CNTNAP2: variants seen among roughly 807,000 people sequenced by gnomAD.
CNTNAP2 encodes the protein contactin associated protein 2, also known as contactin-associated protein-like 2.
Under a neutral mutation model 155.2 loss-of-function variants are expected in CNTNAP2, and 98 were observed. The ratio of observed to expected loss-of-function variants is 0.63; its 90% CI spans 0.54 to 0.75. The LOEUF (loss-of-function observed/expected upper bound fraction) is 0.75. Ranked by LOEUF, CNTNAP2 falls within the 30% of genes least tolerant of loss-of-function variation. The pLI, the probability that CNTNAP2 is intolerant of heterozygous loss-of-function variation, is 0.00. For missense variants in CNTNAP2, 1,727 were observed against 1,688.1 expected, an observed-to-expected ratio of 1.02 and a Z score of -0.40; for synonymous variants, 651 against 631.2, an observed-to-expected ratio of 1.03 and a Z score of -0.47.
intron 1 of CNTNAP2, among the ~76,000 whole-genome samples, chr7:146,520,491 G>A (rs913315747): frequency 8.6e-5 from 13 of 151,388 alleles, no homozygotes; most frequent in African/African-American, 3.1e-4. Context: ...CTAAGTGGTT[G>A]GTGAAACTGT....
At chr7:146,728,909 T>C (rs1339944970) in intron 1 of CNTNAP2, among the ~76,000 whole-genome samples, 2 of 152,166 alleles carry the variant, frequency 1.3e-5, no homozygotes, top group Admixed American at 6.5e-5. Context: ...GAAATATATT[T>C]AGCATAGATC....
intron 21 of CNTNAP2, among the ~76,000 whole-genome samples, chr7:148,299,668 T>C (rs1797347887): frequency 6.6e-6 from 1 of 152,228 alleles, no homozygotes; most frequent in Non-Finnish European, 1.5e-5. Context: ...CTCAGCCTTA[T>C]TTTCCCAACC....
chr7:148,333,151 G>A (rs2116566275), intron 21 of CNTNAP2, among the ~76,000 whole-genome samples: 1 of 152,238 alleles, frequency 6.6e-6, no homozygotes, highest in East Asian at 1.9e-4. Flanking sequence ...TTTCAGGCTG[G>A]AAACGGTGGC....
At chr7:146,218,464 G>A (rs186558662) in intron 1 of CNTNAP2, among the ~76,000 whole-genome samples, 23 of 152,068 alleles carry the variant, frequency 1.5e-4, no homozygotes, top group African/African-American at 4.1e-4. Context: ...AGCTGAGATC[G>A]CGCCACTGCA....
At chr7:146,377,248 C>A (rs1362815984) in intron 1 of CNTNAP2, among the ~76,000 whole-genome samples, 1 of 152,114 alleles carries the variant, frequency 6.6e-6, no homozygotes, top group Non-Finnish European at 1.5e-5. Context: ...TTGAATTATA[C>A]AATACTGTGG....
chr7:146,946,042 A>G (rs1797163446), intron 3 of CNTNAP2, among the ~76,000 whole-genome samples: 1 of 151,960 alleles, frequency 6.6e-6, no homozygotes, highest in African/African-American at 2.4e-5. Context: ...AAGTTTAAAA[A>G]GATACTGAAA....
chr7:146,497,906 CAT>C (rs148428652), intron 1 of CNTNAP2, among the ~76,000 whole-genome samples: 3 of 148,182 alleles, frequency 2.0e-5, no homozygotes, highest in East Asian at 2.0e-4. Context: ...TTTATTCAAA[CAT>C]ATATAAACAT....
At chr7:146,229,503 T>G (rs1014971004) in intron 1 of CNTNAP2, among the ~76,000 whole-genome samples, 2 of 152,160 alleles carry the variant, frequency 1.3e-5, no homozygotes, top group East Asian at 3.9e-4. Context: ...TAGAGAGACC[T>G]TGAGAAGCAG....
intron 3 of CNTNAP2, among the ~76,000 whole-genome samples, chr7:146,912,430 A>G (rs1796302695): frequency 6.6e-6 from 1 of 152,066 alleles, no homozygotes; most frequent in Admixed American, 6.6e-5. Context: ...CCATAATAAG[A>G]AAAAAGATAA....
chr7:146,268,937 A>G (rs896670597), intron 1 of CNTNAP2, among the ~76,000 whole-genome samples: 4 of 152,192 alleles, frequency 2.6e-5, no homozygotes, highest in Non-Finnish European at 5.9e-5. Flanking sequence ...CTACAAGGCA[A>G]TGGGAGTGAA....
intron 9 of CNTNAP2, among the ~76,000 whole-genome samples, chr7:147,317,900 T>C (rs576419333): frequency 1.3e-5 from 2 of 152,106 alleles, no homozygotes; most frequent in South Asian, 4.1e-4. Context: ...AACTTTCTGC[T>C]TTCTACGGTT....
chr7:147,795,917 C>G (rs1797885987), intron 13 of CNTNAP2, among the ~76,000 whole-genome samples: 1 of 152,046 alleles, frequency 6.6e-6, no homozygotes, highest in Non-Finnish European at 1.5e-5. Flanking sequence ...GCACATAAGC[C>G]AGGCAGAGTT....
rs1949898 is a variant in CNTNAP2 at position 146,464,645 on chromosome 7, G to A, written c.98-309626G>A. 4.1e-3 allele frequency among the ~76,000 whole-genome samples: 630 copies of A among 151,808 alleles called. 5 individuals carry two copies. Among genetic ancestry groups the A allele is most frequent in the African/African-American group, 0.014 (585 of 41,370 alleles). ...CACAGCTAATATTTTCACTATTTGC[G>A]AACTTATCATCATTTTTAATACTGA... On this transcript the variant is annotated intron_variant, in intron 1 of 23. Transcript: ENST00000361727.
chr7:146,466,373 T>A (rs1378949098), intron 1 of CNTNAP2, among the ~76,000 whole-genome samples: 1 of 152,168 alleles, frequency 6.6e-6, no homozygotes. Context: ...GAACTTCATC[T>A]TTCCTATACA....
intron 15 of CNTNAP2, among the ~76,000 whole-genome samples, chr7:148,082,370 A>G (rs996725118): frequency 6.6e-6 from 1 of 152,246 alleles, no homozygotes; most frequent in Non-Finnish European, 1.5e-5. Context: ...GGAAAATCCA[A>G]GCTAGTGAGG....
At position 148,185,585 on chromosome 7, in the gene CNTNAP2, G is replaced by A. The variant is rs145848039; in HGVS notation, c.3010+13107G>A. On this transcript the variant is annotated intron_variant, in intron 18 of 23. Coordinates refer to ENST00000361727, the MANE Select transcript of CNTNAP2 (RefSeq NM_014141.6). ...GATGAATGAGTCCAGATTTTTCTCAGGTCTAAGCCAAATGTAACCCAAATA... is the reference window on the plus strand; with the variant it reads ...GATGAATGAGTCCAGATTTTTCTCAAGTCTAAGCCAAATGTAACCCAAATA... 4.7e-3 allele frequency among the ~76,000 whole-genome samples: 717 copies of A among 152,256 alleles called. 2 individuals carry two copies. Among genetic ancestry groups the A allele is most frequent in the African/African-American group, 0.016 (681 of 41,554 alleles).
chr7:147,248,417 T>C (rs997221791), intron 8 of CNTNAP2, among the ~76,000 whole-genome samples: 1 of 152,140 alleles, frequency 6.6e-6, no homozygotes, highest in Non-Finnish European at 1.5e-5. Context: ...GCAGTCTTGG[T>C]TGAGTGCAAG....
At chr7:147,794,365 G>A (rs1285190380) in intron 13 of CNTNAP2, among the ~76,000 whole-genome samples, 2 of 151,768 alleles carry the variant, frequency 1.3e-5, no homozygotes, top group Admixed American at 1.3e-4. Flanking sequence ...ATCATTAAAG[G>A]GTGTTGAATT....
chr7:147,174,914 A>G (rs1462268317), intron 8 of CNTNAP2, among the ~76,000 whole-genome samples: 1 of 152,182 alleles, frequency 6.6e-6, no homozygotes, highest in African/African-American at 2.4e-5. Context: ...AGAGACAATA[A>G]TAATGGAAAC....
Sources: gnomAD v4.1 joint callset for allele counts (sites outside exome capture counted in the v4.1 genomes callset) on GRCh38, gnomAD v4.1.1 for gene constraint, MANE v1.5 for transcripts, NCBI Gene and HGNC (gene_info 2026-07-23, HGNC 2026-07-21) for gene names.